CDH23: variants seen among roughly 807,000 people sequenced by gnomAD.
CDH23 encodes cadherin-23.
CDH23 carries 189 observed loss-of-function variants against 317.1 expected under a neutral mutation model. That is an observed-to-expected ratio of 0.60 (90% confidence interval 0.53 to 0.67). CDH23 has a LOEUF of 0.67. Ranked by LOEUF, CDH23 falls within the 30% of genes least tolerant of loss-of-function variation. The pLI is 0.00. For synonymous variants in CDH23, 1,839 were observed against 1,876.8 expected, an observed-to-expected ratio of 0.98 and a Z score of 0.52; for missense variants, 4,401 against 4,592.4, an observed-to-expected ratio of 0.96 and a Z score of 1.20.
At chr10:71,432,418 T>C (rs7476890) in intron 1 of CDH23, among the ~76,000 whole-genome samples, 4 of 118,158 alleles carry the variant, frequency 3.4e-5, no homozygotes, top group African/African-American at 1.2e-4. Flanking sequence ...TGTGTGTGAG[T>C]GTGTGGGTGA....
chr10:71,636,662 C>G (rs890097170), intron 11 of CDH23, among the ~76,000 whole-genome samples: 1 of 152,184 alleles, frequency 6.6e-6, no homozygotes, highest in Non-Finnish European at 1.5e-5. Flanking sequence ...AAAACAGACT[C>G]CTGACCTCAG....
chr10:71,545,274 G>C (rs1856210070), intron 6 of CDH23, among the ~76,000 whole-genome samples: 1 of 152,128 alleles, frequency 6.6e-6, no homozygotes, highest in Non-Finnish European at 1.5e-5. Context: ...GGAGGGGGAG[G>C]ACAGAGCAGC....
At chr10:71,485,125 C>T (rs1185344094) in intron 3 of CDH23, among the ~76,000 whole-genome samples, 12 of 149,154 alleles carry the variant, frequency 8.0e-5, no homozygotes, top group African/African-American at 2.7e-4. Flanking sequence ...CTCCCAGGTT[C>T]AAGTGATTCT....
chr10:71,739,994 A>G (rs964395201), intron 36 of CDH23, among the ~76,000 whole-genome samples: 7 of 152,156 alleles, frequency 4.6e-5, no homozygotes, highest in Non-Finnish European at 1.0e-4. Context: ...ACCCAGGAGG[A>G]GGTAGTTGAG....
Position 71,561,869 on chromosome 10 carries a change from G to A in CDH23, c.430-4873G>A, listed in dbSNP as rs528399178. On this transcript the variant is annotated intron_variant, in intron 6 of 69. Transcript: ENST00000224721. ...GGGGGTACCATGAAGGAGGGGAGGA[G>A]GGAAGCAGGGGTGGGGCAGAGAAGT... Among the ~76,000 whole-genome samples, 24 of 152,214 alleles carry A rather than the reference G, an allele frequency of 1.6e-4. No individual in the cohort carries two copies. In the South Asian group the frequency reaches 5.0e-3, roughly 32 times the overall value.
intron 1 of CDH23, among the ~76,000 whole-genome samples, chr10:71,421,489 G>A (rs984836801): frequency 2.0e-5 from 3 of 152,204 alleles, no homozygotes; most frequent in Non-Finnish European, 4.4e-5. Flanking sequence ...TTCGGAGAGC[G>A]TCGTAATTCT....
intron 34 of CDH23, among the ~76,000 whole-genome samples, chr10:71,735,860 C>G (rs1399836588): frequency 6.6e-6 from 1 of 152,208 alleles, no homozygotes; most frequent in Non-Finnish European, 1.5e-5. Flanking sequence ...GCTATGCTCC[C>G]CAAGGGCAGC....
At chr10:71,589,165 G>A (rs1173643198) in intron 9 of CDH23, among the ~76,000 whole-genome samples, 3 of 152,146 alleles carry the variant, frequency 2.0e-5, no homozygotes, top group Non-Finnish European at 4.4e-5. Flanking sequence ...TGTCACTCAG[G>A]CTGGAGTGCA....
intron 1 of CDH23, among the ~76,000 whole-genome samples, chr10:71,398,671 G>A (rs1847646481): frequency 6.6e-6 from 1 of 152,066 alleles, no homozygotes; most frequent in African/African-American, 2.4e-5. Context: ...CAGGGGTGGG[G>A]GCACTAGATG....
At chr10:71,796,320 T>G (rs1841401786) in intron 48 of CDH23, among the ~76,000 whole-genome samples, 1 of 152,184 alleles carries the variant, frequency 6.6e-6, no homozygotes, top group Non-Finnish European at 1.5e-5. Flanking sequence ...CGCCCATGCT[T>G]CTGGGGGGTT....
chr10:71,682,432 C>A lies in CDH23; in HGVS notation c.1859-13C>A. On this transcript the variant is annotated splice_polypyrimidine_tract_variant and intron_variant, in intron 17 of 69. Transcript: ENST00000224721. Reference sequence around the variant, plus strand: ...TGCTTACAGAGGGATCTGGCCTGTTCCTGTCATTGCAGTGATCAGCGTCAG... The same window carrying A: ...TGCTTACAGAGGGATCTGGCCTGTTACTGTCATTGCAGTGATCAGCGTCAG... The A allele has an allele frequency of 6.2e-7, 1 of 1,610,842 alleles. No individual in the cohort carries two copies. The highest frequency in any genetic ancestry group is 8.5e-7 in the Non-Finnish European group (1 of 1,178,462).
chr10:71,616,456 A>G (rs1289424704), intron 10 of CDH23, among the ~76,000 whole-genome samples: 16 of 152,216 alleles, frequency 1.1e-4, no homozygotes, highest in Admixed American at 9.8e-4. Context: ...CTCTCCTGCC[A>G]TGGAAGTGAG....
At chr10:71,576,083 T>G (rs1237513531) in intron 8 of CDH23, among the ~76,000 whole-genome samples, 1 of 152,200 alleles carries the variant, frequency 6.6e-6, no homozygotes, top group African/African-American at 2.4e-5. Flanking sequence ...CCAGGGGGCC[T>G]CTGGGCAGCC....
intron 38 of CDH23, chr10:71,748,707 G>T (rs895824550): frequency 1.3e-5 from 2 of 152,670 alleles, no homozygotes; most frequent in Non-Finnish European, 2.9e-5. Context: ...CCGCCCCCTG[G>T]AGGCGCCATG....
rs749203752 is a variant in CDH23, at chr10:71,807,584, C to A, written c.8377C>A (p.Arg2793=). The A allele has an allele frequency of 5.1e-5, 82 of 1,613,828 alleles. No homozygotes were observed. In the South Asian group the frequency reaches 6.0e-4, roughly 12 times the overall value. ...GCLLVLRDLD[R]EREAIFSFIV... ...TCTGCTGGTGCTGCGGGACCTGGAC[C>A]GGGAGCGAGAAGCCATCTTCTCCTT... Residue 2793 remains arginine (R), a synonymous_variant, in exon 59 of 70, where the codon CGG becomes AGG. Transcript: ENST00000224721.
intron 3 of CDH23, among the ~76,000 whole-genome samples, chr10:71,449,408 C>T (rs74144969): frequency 0.016 from 2,390 of 152,226 alleles, 72 homozygotes; most frequent in African/African-American, 0.054. Flanking sequence ...TGCTGTGGGA[C>T]GGTTCCAGGA....
chr10:71,627,781 G>A (rs2132545441), intron 11 of CDH23, among the ~76,000 whole-genome samples: 1 of 152,324 alleles, frequency 6.6e-6, no homozygotes, highest in East Asian at 1.9e-4. Context: ...CTCCTGAGCA[G>A]GGCTGGCACC....
intron 19 of CDH23, 85 bp downstream of exon 19, chr10:71,687,804 T>C: frequency 8.0e-7 from 1 of 1,248,302 alleles, no homozygotes; most frequent in Non-Finnish European, 1.2e-6. Context: ...ACCCCGGCTC[T>C]GCACACAAAT....
At position 71,709,616 on chromosome 10, in the gene CDH23, TTAAAA is replaced by T. The variant is rs2132752572; in HGVS notation, c.3220+415_3220+419del. Among the ~76,000 whole-genome samples the T allele has an allele frequency of 1.3e-5, 2 of 152,222 alleles. 1 individual carries two copies. Among genetic ancestry groups the T allele is most frequent in the South Asian group, 4.2e-4 (2 of 4,814 alleles). On this transcript the variant is annotated intron_variant, in intron 27 of 69. Transcript: ENST00000224721. ...GTTAGGACCCTTTCAGTTGAAAATT[TTAAAA>T]TAAAATAAACTGACTTCAGCAATAT...
Sources: gnomAD v4.1 joint callset for allele counts (sites outside exome capture counted in the v4.1 genomes callset) on GRCh38, gnomAD v4.1.1 for gene constraint, MANE v1.5 for transcripts, NCBI Gene and HGNC (gene_info 2026-07-23, HGNC 2026-07-21) for gene names.